Variants in C6orf118 observed in about 807,000 individuals in gnomAD.
The protein encoded by C6orf118 is uncharacterized protein C6orf118.
A neutral mutation model predicts 50.2 loss-of-function variants in C6orf118; 50 were observed. The ratio of observed to expected loss-of-function variants is 1.00; its 90% CI spans 0.79 to 1.26. The LOEUF (loss-of-function observed/expected upper bound fraction) is 1.26, where lower values mean the gene tolerates loss of function less well. Ranked by LOEUF, C6orf118 falls within the 50% of genes most tolerant of loss-of-function variation. The pLI, the probability that C6orf118 is intolerant of heterozygous loss-of-function variation, is 0.00. For synonymous variants in C6orf118, 239 were observed against 230.9 expected (o/e 1.03, Z -0.32); for missense variants, 641 against 578.7 (o/e 1.11, Z -1.10).
Position 165,302,233 on chromosome 6 carries a change from C to A in C6orf118, c.89G>T (p.Cys30Phe). The A allele has an allele frequency of 3.1e-6, 5 of 1,613,806 alleles. No homozygotes were observed. The highest frequency in any genetic ancestry group is 4.2e-6 in the Non-Finnish European group (5 of 1,179,886). The change falls in exon 2 of 9, where the codon TGC becomes TTC. Residue 30 changes from cysteine to phenylalanine, a missense_variant. Cys to Phe is a radical substitution (Grantham distance 205). Transcript: ENST00000230301. ...CAGGGTCTTCACTCCTGGCGTCTCG[C>A]AGTGCTTCAGATTACACAGGGTCTT... is the stretch of plus-strand genomic sequence containing the variant. ...GVKTLCNLKHCETPGVKTLCN... is the reference protein window; with the variant it reads ...GVKTLCNLKHFETPGVKTLCN...
intron 4 of C6orf118, among the ~76,000 whole-genome samples, chr6:165,298,665 G>T (rs375383922): frequency 6.6e-6 from 1 of 152,122 alleles, no homozygotes; most frequent in South Asian, 2.1e-4. Flanking sequence ...ATCTCAAAAC[G>T]TAAGGAACAA....
intron 4 of C6orf118, among the ~76,000 whole-genome samples, chr6:165,298,373 C>T (rs949557232): frequency 2.6e-5 from 4 of 152,004 alleles, no homozygotes; most frequent in Non-Finnish European, 4.4e-5. Context: ...CCTGTTGGCC[C>T]GTGTGGGGGG....
intron 6 of C6orf118, among the ~76,000 whole-genome samples, chr6:165,291,540 G>A (rs960829649): frequency 2.0e-5 from 3 of 152,152 alleles, no homozygotes; most frequent in Admixed American, 6.5e-5. Flanking sequence ...TGCCAATTTA[G>A]AGAAGGAGAT....
intron 5 of C6orf118, among the ~76,000 whole-genome samples, chr6:165,293,796 A>G (rs1007178632): frequency 1.3e-5 from 2 of 152,204 alleles, no homozygotes; most frequent in African/African-American, 2.4e-5. Context: ...AAAAAAGATA[A>G]TTTAAAAAAA....
At chr6:165,305,105 G>A (rs1780677316) in intron 1 of C6orf118, among the ~76,000 whole-genome samples, 3 of 65,908 alleles carry the variant, frequency 4.6e-5, no homozygotes, top group African/African-American at 9.0e-5. Context: ...AAACAGCATG[G>A]TACTGGTACC....
intron 2 of C6orf118, 128 bp from the exon 3 acceptor site, chr6:165,300,614 C>A (rs1780492142): frequency 2.7e-6 from 2 of 739,340 alleles, no homozygotes; most frequent in South Asian, 2.2e-5. Context: ...CACAGGGGGC[C>A]AGTCTCGGGG....
intron 1 of C6orf118, 95 bp from the exon 2 acceptor site, chr6:165,302,391 A>C: frequency 7.0e-7 from 1 of 1,435,822 alleles, no homozygotes; most frequent in Non-Finnish European, 9.4e-7. Context: ...CCCTGACCAA[A>C]AGAGGGTCTA....
intron 8 of C6orf118, among the ~76,000 whole-genome samples, chr6:165,280,601 G>A (rs1048743963): frequency 3.9e-5 from 6 of 152,234 alleles, no homozygotes; most frequent in South Asian, 2.1e-4. Flanking sequence ...CCTCTCTTAC[G>A]GCTGAGAGTG....
rs1044215377 is a variant in C6orf118, at chr6:165,293,440, A to G, written c.1093T>C (p.Leu365=). 2 of 1,613,782 alleles carry G rather than the reference A, an allele frequency of 1.2e-6. No individual in the cohort carries two copies. Among genetic ancestry groups the G allele is most frequent in the Admixed American group, 3.3e-5 (2 of 60,014 alleles). ...LRSELEMEVA[L]LQSAKERSES... is the part of the protein sequence containing the mutation. ...GATCGTTCCTTTGCAGACTGCAGCA[A>G]TGCCACCTCCATCTCCAGTTCACTT... The change falls in exon 6 of 9, where the codon TTG becomes CTG. Residue 365 remains leucine, a synonymous_variant. Coordinates refer to ENST00000230301, the MANE Select transcript of C6orf118 (RefSeq NM_144980.4).
Position 165,302,191 on chromosome 6 carries a change from A to C in C6orf118, c.131T>G (p.Leu44Arg). The C allele has an allele frequency of 6.2e-7, 1 of 1,612,768 alleles. No homozygotes were observed. Among genetic ancestry groups the C allele is most frequent in the Non-Finnish European group, 8.5e-7 (1 of 1,179,964 alleles). ...GVKTLCNLKK[L>R]LNRLQKDHRE... ...GTGGTCTTTCTGAAGCCGATTCAGA[A>C]GTTTCTTCAGATTACACAGGGTCTT... Residue 44 changes from leucine to arginine, a missense_variant, in exon 2 of 9, where the codon CTT becomes CGT. By Grantham distance (102) the Leu-to-Arg change is moderately radical. Transcript: ENST00000230301.
At chr6:165,280,515 AG>A (rs1324292825) in intron 8 of C6orf118, among the ~76,000 whole-genome samples, 1 of 152,196 alleles carries the variant, frequency 6.6e-6, no homozygotes, top group Non-Finnish European at 1.5e-5. Flanking sequence ...TGGCTTGCTC[AG>A]CACTCTATCC....
rs1216494796 is a variant in C6orf118 at position 165,290,012 on chromosome 6, A to C, written c.1176T>G (p.Val392=). 1 of 1,610,028 alleles carries C rather than the reference A, an allele frequency of 6.2e-7. No individual in the cohort carries two copies. ...DENRLTLTEK[V]EKKRCEILSK... ...TGAGTATTTCACACCTCTTCTTTTC[A>C]ACCTTCTCAGTAAGAGTAAGTCGGT... The change falls in exon 7 of 9, where the codon GTT becomes GTG. Residue 392 remains valine, a synonymous_variant. Transcript: ENST00000230301.
chr6:165,289,776 C>G (rs1780041079), intron 7 of C6orf118, 110 bp downstream of exon 7: 4 of 600,484 alleles, frequency 6.7e-6, no homozygotes, highest in Non-Finnish European at 1.0e-5. Context: ...TACATTTGGG[C>G]CAAATTTTAT....
intron 5 of C6orf118, among the ~76,000 whole-genome samples, chr6:165,295,645 T>G (rs1359161401): frequency 8.7e-6 from 1 of 114,336 alleles, no homozygotes; most frequent in Non-Finnish European, 1.7e-5. Context: ...ATTATTGATT[T>G]ATTGTTTTTT....
intron 8 of C6orf118, 92 bp downstream of exon 8, chr6:165,281,548 T>TA: frequency 7.0e-7 from 1 of 1,433,072 alleles, no homozygotes; most frequent in Non-Finnish European, 9.1e-7. Flanking sequence ...TACAAAGAAT[T>TA]ACGATCAGTT....
chr6:165,293,419 G>T lies in C6orf118; in HGVS notation c.1114C>A (p.Arg372=). The change falls in exon 6 of 9, where the codon CGA becomes AGA. Residue 372 remains arginine (R), a synonymous_variant. Transcript: ENST00000230301. ...ACATCACACAGACACCTGCCTGATC[G>T]TTCCTTTGCAGACTGCAGCAATGCC... is the stretch of plus-strand genomic sequence containing the variant. ...EVALLQSAKE[R]SESSEKHIID... The T allele has an allele frequency of 1.2e-6, 2 of 1,613,868 alleles. No homozygotes were observed. The highest frequency in any genetic ancestry group is 1.7e-6 in the Non-Finnish European group (2 of 1,179,732).
At chr6:165,302,381 C>A in intron 1 of C6orf118, 85 bp from the exon 2 acceptor site, 6 of 1,500,708 alleles carry the variant, frequency 4.0e-6, no homozygotes, top group Non-Finnish European at 5.4e-6. Context: ...GAGGCGTAGC[C>A]CCTGACCAAA....
chr6:165,281,642 T>C lies in C6orf118; in HGVS notation c.1354A>G (p.Lys452Glu). ...TENMILKKKI[K>E]GPLEIYQGIC... is the part of the protein sequence containing the mutation. ...ATTGATTCACACAAAAAACTTACTT[T>C]TATTTTCTTCTTTAAAATCATATTT... The change falls in exon 8 of 9, where the codon AAA (lysine) becomes GAA (glutamate). Residue 452 changes from lysine (K) to glutamate (E), a missense_variant and splice_region_variant. By Grantham distance (56) the Lys-to-Glu change is moderately conservative. Coordinates refer to ENST00000230301, the MANE Select transcript of C6orf118 (RefSeq NM_144980.4). 6.7e-7 allele frequency: 1 copy of C among 1,497,550 alleles called. No homozygotes were observed. Among genetic ancestry groups the C allele is most frequent in the Non-Finnish European group, 8.9e-7 (1 of 1,119,900 alleles). The allele number at this position is 1,497,550 out of a possible 1,614,324, so 92.8% of individuals were successfully genotyped here.
intron 5 of C6orf118, 21 bp downstream of exon 5, chr6:165,297,956 G>C: frequency 6.2e-7 from 1 of 1,613,288 alleles, no homozygotes. Flanking sequence ...ACATAGATCA[G>C]ATCCGTCCCT....
Sources: gnomAD v4.1 joint callset for allele counts (sites outside exome capture counted in the v4.1 genomes callset) on GRCh38, gnomAD v4.1.1 for gene constraint, MANE v1.5 for transcripts, NCBI Gene and HGNC (gene_info 2026-07-23, HGNC 2026-07-21) for gene names.